RBPMS: variants seen among roughly 807,000 people sequenced by gnomAD.
RBPMS encodes the protein RNA binding protein, mRNA processing factor.
In RBPMS, 7 loss-of-function variants were observed where a neutral mutation model predicts 26.8. That is an observed-to-expected ratio of 0.26 (90% CI 0.15 to 0.49). RBPMS has a LOEUF of 0.49. RBPMS is among the 20% of genes least tolerant of loss of function. The pLI is 0.98. For missense variants in RBPMS, 186 were observed against 250.0 expected (o/e 0.74, Z 1.73); for synonymous variants, 96 against 93.3 (o/e 1.03, Z -0.17).
At chr8:30,534,303 A>G (rs1824574242) in intron 5 of RBPMS, among the ~76,000 whole-genome samples, 1 of 152,202 alleles carries the variant, frequency 6.6e-6, no homozygotes. Context: ...TCCAAGCATC[A>G]ATTTCTTCAT....
At chr8:30,467,056 T>C (rs1816583371) in intron 1 of RBPMS, among the ~76,000 whole-genome samples, 1 of 152,220 alleles carries the variant, frequency 6.6e-6, no homozygotes, top group South Asian at 2.1e-4. Context: ...CACCTGCTTT[T>C]CTTGAAGTCA....
chr8:30,510,644 A>G (rs1340034653), intron 5 of RBPMS, among the ~76,000 whole-genome samples: 1 of 152,104 alleles, frequency 6.6e-6, no homozygotes, highest in Non-Finnish European at 1.5e-5. Context: ...GTTCAGTGGC[A>G]CAATCATGGC....
At chr8:30,556,834 C>T in intron 6 of RBPMS, 1 of 945,226 alleles carries the variant, frequency 1.1e-6, no homozygotes, top group South Asian at 4.9e-5. Context: ...TCTGCCCTCC[C>T]TCTCCTCCCC....
intron 5 of RBPMS, among the ~76,000 whole-genome samples, chr8:30,506,011 C>T (rs909017019): frequency 6.6e-6 from 1 of 152,124 alleles, no homozygotes; most frequent in Non-Finnish European, 1.5e-5. Flanking sequence ...CTTAACTTTA[C>T]CTTTTCAATT....
chr8:30,510,588 A>C (rs1821486446), intron 5 of RBPMS, among the ~76,000 whole-genome samples: 1 of 149,924 alleles, frequency 6.7e-6, no homozygotes. Flanking sequence ...TTTATGGTCC[A>C]TTTCTTGATT....
At chr8:30,554,250 C>T (rs1345281019) in intron 6 of RBPMS, among the ~76,000 whole-genome samples, 1 of 152,196 alleles carries the variant, frequency 6.6e-6, no homozygotes, top group Non-Finnish European at 1.5e-5. Flanking sequence ...GTCTGTCTTC[C>T]AGCTCGAAGC....
intron 1 of RBPMS, among the ~76,000 whole-genome samples, chr8:30,457,977 G>T (rs1297607967): frequency 6.6e-6 from 1 of 152,124 alleles, no homozygotes; most frequent in Non-Finnish European, 1.5e-5. Flanking sequence ...ATTTGTGGGG[G>T]GATCGGTTCC....
At chr8:30,532,036 C>T (rs1034007120) in intron 5 of RBPMS, among the ~76,000 whole-genome samples, 10 of 152,096 alleles carry the variant, frequency 6.6e-5, no homozygotes, top group African/African-American at 2.2e-4. Context: ...TGTGAGATTT[C>T]TTTTAAAGAA....
intron 4 of RBPMS, among the ~76,000 whole-genome samples, chr8:30,494,606 G>A (rs559368664): frequency 2.6e-5 from 4 of 152,194 alleles, no homozygotes; most frequent in African/African-American, 4.8e-5. Context: ...CCACACTCCC[G>A]ATTCTCACAG....
chr8:30,542,147 C>T (rs973871333), intron 5 of RBPMS, among the ~76,000 whole-genome samples: 1 of 152,190 alleles, frequency 6.6e-6, no homozygotes, highest in Non-Finnish European at 1.5e-5. Flanking sequence ...CTCACTAATA[C>T]GTTACTACTA....
intron 7 of RBPMS, chr8:30,561,846 A>T (rs866811312): frequency 1.0e-6 from 1 of 984,978 alleles, no homozygotes; most frequent in South Asian, 4.7e-5. Context: ...CACAGAGAAG[A>T]CATCCATTGT....
chr8:30,544,371 A>C, intron 5 of RBPMS, 123 bp from the exon 6 acceptor site: 1 of 965,180 alleles, frequency 1.0e-6, no homozygotes, highest in South Asian at 1.5e-5. Context: ...CAGGTTGTTA[A>C]AAGAATGAGA....
At chr8:30,546,158 C>T (rs1483858332) in intron 6 of RBPMS, among the ~76,000 whole-genome samples, 2 of 152,160 alleles carry the variant, frequency 1.3e-5, no homozygotes, top group African/African-American at 2.4e-5. Flanking sequence ...TTTTGCTTGC[C>T]ACCTCCCACC....
chr8:30,420,831 T>C (rs1040546278), intron 1 of RBPMS, among the ~76,000 whole-genome samples: 7 of 152,208 alleles, frequency 4.6e-5, no homozygotes, highest in Non-Finnish European at 8.8e-5. Context: ...TCCTCTATTG[T>C]AGCAGAGTAG....
At chr8:30,437,213 G>A (rs949068083) in intron 1 of RBPMS, among the ~76,000 whole-genome samples, 1 of 151,316 alleles carries the variant, frequency 6.6e-6, no homozygotes, top group Non-Finnish European at 1.5e-5. Context: ...GAGCCACCGC[G>A]CCCAGCCGAT....
chr8:30,560,657 C>T (rs1349905067), intron 7 of RBPMS, among the ~76,000 whole-genome samples: 1 of 152,140 alleles, frequency 6.6e-6, no homozygotes, highest in East Asian at 1.9e-4. Flanking sequence ...CAAATCCTTC[C>T]AAGGTCAGTG....
chr8:30,500,251 CCTTT>C (rs1820407705), intron 4 of RBPMS, among the ~76,000 whole-genome samples: 3 of 152,070 alleles, frequency 2.0e-5, no homozygotes, highest in South Asian at 2.1e-4. Flanking sequence ...TCATTCTAAA[CCTTT>C]CTGGACTTAC....
chr8:30,539,810 G>C (rs1040570204), intron 5 of RBPMS, among the ~76,000 whole-genome samples: 1 of 151,982 alleles, frequency 6.6e-6, no homozygotes, highest in African/African-American at 2.4e-5. Context: ...ATTTTTAGTA[G>C]AGATGGAGTT....
At position 30,530,034 on chromosome 8, in the gene RBPMS, C is replaced by T. The variant is rs867674158; in HGVS notation, c.398-14460C>T. ...CCTCCCAAAGTGCTGGGATTACAGGCGTGAGCCACCGCACCCGGCCAGAAC... is the reference window on the plus strand; with the variant it reads ...CCTCCCAAAGTGCTGGGATTACAGGTGTGAGCCACCGCACCCGGCCAGAAC... On this transcript the variant is annotated intron_variant, in intron 5 of 8. Coordinates refer to ENST00000397323, the MANE Select transcript of RBPMS (RefSeq NM_001008710.3). 3.9e-5 allele frequency among the ~76,000 whole-genome samples: 6 copies of T among 152,108 alleles called. No individual in the cohort carries two copies. In the South Asian group the frequency reaches 1.0e-3, roughly 26 times the overall value.
Sources: allele counts gnomAD v4.1 joint callset (sites outside exome capture counted in the v4.1 genomes callset), GRCh38; gene constraint gnomAD v4.1.1; transcripts MANE v1.5; gene names NCBI Gene and HGNC (gene_info 2026-07-23, HGNC 2026-07-21).